The following RNF130 variants were observed in gnomAD, a reference collection of about 807,000 sequenced individuals.
RNF130 encodes E3 ubiquitin-protein ligase RNF130.
A neutral mutation model predicts 44.6 loss-of-function variants in RNF130; 21 were observed. The observed-to-expected ratio is 0.47, with a 90% CI of 0.33 to 0.68. The LOEUF is 0.68. Ranked by LOEUF, RNF130 falls within the 30% of genes least tolerant of loss-of-function variation. RNF130 has a pLI of 0.02. For synonymous variants in RNF130, 214 were observed against 210.4 expected (o/e 1.02, Z -0.15); for missense variants, 479 against 560.6 (o/e 0.85, Z 1.47).
chr5:179,950,270 C>A (rs1218726501), downstream of RNF130, among the ~76,000 whole-genome samples: 1 of 152,064 alleles, frequency 6.6e-6, no homozygotes, highest in African/African-American at 2.4e-5. Flanking sequence ...GCACCTGCCA[C>A]CACGCCTGGC....
chr5:179,928,356 GTTT>G (rs569173452), intron 7 of RNF130, among the ~76,000 whole-genome samples: 1 of 144,832 alleles, frequency 6.9e-6, no homozygotes, highest in Non-Finnish European at 1.5e-5. Flanking sequence ...TGGATATTTT[GTTT>G]TTTTTTTTCA....
At chr5:180,042,506 A>G (rs924350575) in intron 1 of RNF130, among the ~76,000 whole-genome samples, 2 of 152,226 alleles carry the variant, frequency 1.3e-5, no homozygotes, top group African/African-American at 4.8e-5. Context: ...ACGATGCACT[A>G]TAAAACTTTA....
chr5:180,013,394 A>G lies in RNF130; in HGVS notation c.443-83T>C, dbSNP rs1763637034. ...AATGTATCAACACGCTACTTAGGTA[A>G]CTACTATAATGTCTGGTAATGGAAA... On this transcript the variant is annotated intron_variant, in intron 2 of 8. Transcript: ENST00000521389. 4.1e-6 allele frequency: 5 copies of G among 1,229,026 alleles called. No homozygotes were observed. In the East Asian group the frequency reaches 9.9e-5, roughly 24 times the overall value. 76.1% of individuals were successfully genotyped at this position (1,229,026 alleles called of 1,614,324 possible). A position where few individuals can be genotyped will look rare whatever the true frequency, so the allele number is the denominator to read the frequency against.
In RNF130 at chr5:180,047,528, T is replaced by C. The variant is rs1042949374; in HGVS notation, c.248-6881A>G. Among the ~76,000 whole-genome samples, 5 of 152,186 alleles carry C rather than the reference T, an allele frequency of 3.3e-5. No homozygotes were observed. In the South Asian group the frequency reaches 8.3e-4, roughly 25 times the overall value. ...GGGAGGCCAAGGCAGGCAGATCACC[T>C]GAGGTCGGGAGTTCAAGACCAGCCT... On this transcript the variant is annotated intron_variant, in intron 1 of 8. Coordinates refer to ENST00000521389, the MANE Select transcript of RNF130 (RefSeq NM_018434.6).
chr5:179,947,847 A>G (rs1209069507), intron 7 of RNF130, among the ~76,000 whole-genome samples: 2 of 152,222 alleles, frequency 1.3e-5, no homozygotes, highest in African/African-American at 4.8e-5. Flanking sequence ...ATATGCTATT[A>G]TATATTATAC....
chr5:179,975,920 C>T (rs879814866), intron 5 of RNF130, among the ~76,000 whole-genome samples: 46 of 152,288 alleles, frequency 3.0e-4, no homozygotes, highest in Middle Eastern at 3.4e-3. Flanking sequence ...GCACGAGAAT[C>T]GGGCGGGAAC....
chr5:180,045,406 A>T (rs1764535782), intron 1 of RNF130, among the ~76,000 whole-genome samples: 1 of 152,160 alleles, frequency 6.6e-6, no homozygotes, highest in Non-Finnish European at 1.5e-5. Flanking sequence ...TCAAGAGTGA[A>T]GCTGCAGACC....
intron 2 of RNF130, among the ~76,000 whole-genome samples, chr5:180,032,262 G>A (rs974897099): frequency 6.6e-6 from 1 of 152,080 alleles, no homozygotes; most frequent in Non-Finnish European, 1.5e-5. Flanking sequence ...AGAACTTCTT[G>A]TTCAAAATCA....
At chr5:180,033,707 A>AAG (rs1251921538) in intron 2 of RNF130, among the ~76,000 whole-genome samples, 1 of 151,462 alleles carries the variant, frequency 6.6e-6, no homozygotes, top group Non-Finnish European at 1.5e-5. Flanking sequence ...AAAAAAAAAA[A>AAG]AGAGAGAGAG....
intron 3 of RNF130, among the ~76,000 whole-genome samples, chr5:179,990,079 A>C (rs1005029005): frequency 2.6e-5 from 4 of 152,164 alleles, no homozygotes; most frequent in Non-Finnish European, 5.9e-5. Context: ...GAGAGATTGC[A>C]GAAATAAAGA....
chr5:179,969,693 A>C (rs1342785895), intron 6 of RNF130, among the ~76,000 whole-genome samples: 1 of 151,892 alleles, frequency 6.6e-6, no homozygotes, highest in Non-Finnish European at 1.5e-5. Context: ...TTGTCTCTTC[A>C]AAACATAAAA....
At chr5:179,992,724 G>A (rs142111286) in intron 3 of RNF130, among the ~76,000 whole-genome samples, 101 of 151,830 alleles carry the variant, frequency 6.7e-4, no homozygotes, top group African/African-American at 2.4e-3. Context: ...ATTTTTTATG[G>A]TTTATTTATT....
exon 8 of RNF130, chr5:179,917,691 T>A (rs1350620029): frequency 1.3e-5 from 2 of 152,082 alleles, no homozygotes; most frequent in Non-Finnish European, 2.9e-5. Context: ...GAGGCTGTTA[T>A]TTGGGATTAA....
chr5:180,031,586 G>A (rs1387590344), intron 2 of RNF130, among the ~76,000 whole-genome samples: 1 of 152,172 alleles, frequency 6.6e-6, no homozygotes, highest in African/African-American at 2.4e-5. Context: ...CTGTTCAAGG[G>A]CCAACTGTAA....
At chr5:180,049,771 T>C (rs1159199483) in intron 1 of RNF130, among the ~76,000 whole-genome samples, 1 of 152,220 alleles carries the variant, frequency 6.6e-6, no homozygotes, top group African/African-American at 2.4e-5. Flanking sequence ...TCTATTATTT[T>C]ATTGTGTTCT....
At chr5:179,936,254 G>A (rs1761890328) in intron 7 of RNF130, among the ~76,000 whole-genome samples, 1 of 152,076 alleles carries the variant, frequency 6.6e-6, no homozygotes, top group African/African-American at 2.4e-5. Flanking sequence ...TGAGCAGCTG[G>A]GACTACAGGT....
intron 5 of RNF130, among the ~76,000 whole-genome samples, chr5:179,974,895 C>T (rs1429456384): frequency 6.6e-6 from 1 of 152,216 alleles, no homozygotes; most frequent in Non-Finnish European, 1.5e-5. Flanking sequence ...CCTGCGCACC[C>T]GGGTCAGCAC....
At chr5:179,916,641 C>G (rs576236031) in exon 8 of RNF130, 2 of 152,428 alleles carry the variant, frequency 1.3e-5, no homozygotes, top group African/African-American at 2.4e-5. Context: ...GCAGCCAGGC[C>G]TGAGGACCAC....
chr5:179,961,009 AT>A (rs1051387024), intron 8 of RNF130, among the ~76,000 whole-genome samples: 1 of 152,174 alleles, frequency 6.6e-6, no homozygotes, highest in African/African-American at 2.4e-5. Context: ...TTTCATTGAT[AT>A]TTTTGAGAAA....
Sources: allele counts gnomAD v4.1 joint callset (sites outside exome capture counted in the v4.1 genomes callset), GRCh38; gene constraint gnomAD v4.1.1; transcripts MANE v1.5; gene names NCBI Gene and HGNC (gene_info 2026-07-23, HGNC 2026-07-21).